KDM4C: variants seen among roughly 807,000 people sequenced by gnomAD.
The protein encoded by KDM4C is lysine-specific demethylase 4C.
KDM4C carries 81 observed loss-of-function variants against 129.3 expected under a neutral mutation model. The observed-to-expected ratio is 0.63, with a 90% CI of 0.52 to 0.75. The LOEUF (loss-of-function observed/expected upper bound fraction) is 0.75, where lower values mean the gene tolerates loss of function less well. Ranked by LOEUF, KDM4C falls within the 30% of genes least tolerant of loss-of-function variation. KDM4C has a pLI of 0.00. For synonymous variants in KDM4C, 573 were observed against 456.1 expected (o/e 1.26, Z -3.26); for missense variants, 1,457 against 1,304.0 (o/e 1.12, Z -1.81).
chr9:6,751,304 G>C (rs914662009), intron 1 of KDM4C, among the ~76,000 whole-genome samples: 6 of 152,114 alleles, frequency 3.9e-5, no homozygotes, highest in African/African-American at 1.4e-4. Flanking sequence ...AAATTAGCCA[G>C]GCATGGTGGT....
At chr9:7,046,836 C>A (rs202158360) in intron 15 of KDM4C, 26 bp from the exon 16 acceptor site, 1 of 1,547,898 alleles carries the variant, frequency 6.5e-7, no homozygotes, top group Non-Finnish European at 8.9e-7. Flanking sequence ...GTCTGGTCAT[C>A]ATGTGGTATT....
In KDM4C at chr9:6,986,676, A is replaced by C. The variant is rs1323381401; in HGVS notation, c.1677+10A>C. 1 of 1,575,372 alleles carries C rather than the reference A, an allele frequency of 6.3e-7. No homozygotes were observed. On this transcript the variant is annotated intron_variant, in intron 11 of 21. Coordinates refer to ENST00000381309, the MANE Select transcript of KDM4C (RefSeq NM_015061.6). ...CTTCAAAGTCCCCAGTGTATGTGGC[A>C]ATATCCATTTTTTACCATATTCATT...
chr9:6,950,674 C>T (rs997227668), intron 8 of KDM4C, among the ~76,000 whole-genome samples: 1 of 152,208 alleles, frequency 6.6e-6, no homozygotes, highest in African/African-American at 2.4e-5. Flanking sequence ...CCAATGTTCC[C>T]TCCTGATAAC....
At chr9:6,940,619 A>T (rs1330924151) in intron 8 of KDM4C, among the ~76,000 whole-genome samples, 1 of 142,638 alleles carries the variant, frequency 7.0e-6, no homozygotes, top group Non-Finnish European at 1.6e-5. Context: ...TCATAATTTT[A>T]TTGAAAGTGG....
At chr9:6,876,222 G>T (rs1313426804) in intron 5 of KDM4C, among the ~76,000 whole-genome samples, 1 of 152,174 alleles carries the variant, frequency 6.6e-6, no homozygotes, top group Non-Finnish European at 1.5e-5. Context: ...TCACCTCATT[G>T]CCTTGTAGCC....
At chr9:7,101,527 A>C (rs889127174) in intron 17 of KDM4C, among the ~76,000 whole-genome samples, 10 of 152,166 alleles carry the variant, frequency 6.6e-5, no homozygotes, top group Admixed American at 5.9e-4. Flanking sequence ...ATTGAGTTAT[A>C]ATAGTTTACT....
chr9:7,167,703 C>A (rs1039089732), intron 20 of KDM4C, among the ~76,000 whole-genome samples: 2 of 152,118 alleles, frequency 1.3e-5, no homozygotes, highest in Admixed American at 6.5e-5. Flanking sequence ...TTATTAAGAC[C>A]GTGGTGGATG....
intron 15 of KDM4C, among the ~76,000 whole-genome samples, chr9:7,030,638 TA>T: frequency 6.6e-6 from 1 of 152,332 alleles, no homozygotes; most frequent in East Asian, 1.9e-4. Context: ...TAAAGTCTAA[TA>T]AAAAAGTTAT....
At chr9:6,926,740 G>A (rs1335835460) in intron 8 of KDM4C, among the ~76,000 whole-genome samples, 2 of 152,142 alleles carry the variant, frequency 1.3e-5, no homozygotes, top group African/African-American at 4.8e-5. Flanking sequence ...ATTGGGGTGT[G>A]TTTAGTAGTT....
intron 17 of KDM4C, among the ~76,000 whole-genome samples, chr9:7,052,144 C>A (rs889690067): frequency 8.5e-5 from 13 of 152,126 alleles, no homozygotes; most frequent in African/African-American, 2.9e-4. Flanking sequence ...AAAAACAAAC[C>A]TGGATTTTTT....
chr9:6,993,287 C>T (rs1026882130), intron 12 of KDM4C, among the ~76,000 whole-genome samples: 2 of 152,096 alleles, frequency 1.3e-5, no homozygotes, highest in Non-Finnish European at 2.9e-5. Context: ...TAAATATATA[C>T]TACATGTTTA....
chr9:6,834,727 A>C (rs573914051), intron 4 of KDM4C: 81 of 946,562 alleles, frequency 8.6e-5, no homozygotes, highest in Non-Finnish European at 1.3e-4. Context: ...ACACCTTCTA[A>C]AGGGAGCTGC....
rs1292846596 is a variant in KDM4C, at chr9:6,726,080, CCA to C, written c.49+5087_49+5088del. Among the ~76,000 whole-genome samples, 13 of 152,238 alleles carry C rather than the reference CCA, an allele frequency of 8.5e-5. No individual in the cohort carries two copies. The East Asian group carries it at 2.5e-3, about 29-fold the overall frequency. On this transcript the variant is annotated intron_variant, in intron 1 of 17. Transcript: ENST00000536108. ...TAGCTGGGATTACAGGTGCACACCA[CCA>C]CACCTAGCTAATTTTTTTATATATT...
At chr9:7,088,647 A>G (rs1255066369) in intron 17 of KDM4C, among the ~76,000 whole-genome samples, 2 of 152,202 alleles carry the variant, frequency 1.3e-5, no homozygotes, top group Non-Finnish European at 1.5e-5. Context: ...TTTGCTACAT[A>G]TTACAGGAGG....
chr9:6,924,065 A>T (rs1822030050), intron 8 of KDM4C, among the ~76,000 whole-genome samples: 1 of 152,194 alleles, frequency 6.6e-6, no homozygotes, highest in Non-Finnish European at 1.5e-5. Context: ...TTTACTTCTT[A>T]TAAAGCTCAG....
intron 19 of KDM4C, among the ~76,000 whole-genome samples, chr9:7,151,525 A>G (rs907900539): frequency 2.0e-5 from 3 of 152,122 alleles, no homozygotes; most frequent in Admixed American, 1.3e-4. Flanking sequence ...TTAAAAAAAA[A>G]TTAGCCAAGC....
intron 1 of KDM4C, among the ~76,000 whole-genome samples, chr9:6,730,614 CAAA>C (rs36043237): frequency 9.1e-6 from 1 of 109,600 alleles, no homozygotes; most frequent in Admixed American, 9.5e-5. Flanking sequence ...GACTCTGTCT[CAAA>C]AAAAAAAAAA....
intron 17 of KDM4C, among the ~76,000 whole-genome samples, chr9:7,052,613 C>G (rs942666267): frequency 2.6e-4 from 40 of 152,078 alleles, no homozygotes; most frequent in African/African-American, 9.2e-4. Context: ...ATTGTAGAGC[C>G]CAGCAGTACT....
At chr9:6,987,073 A>G (rs571715126) in intron 11 of KDM4C, among the ~76,000 whole-genome samples, 1 of 152,314 alleles carries the variant, frequency 6.6e-6, no homozygotes, top group Admixed American at 6.5e-5. Flanking sequence ...GATACAGTAA[A>G]GATTACAGAA....
Sources: allele counts gnomAD v4.1 joint callset (sites outside exome capture counted in the v4.1 genomes callset), GRCh38; gene constraint gnomAD v4.1.1; transcripts MANE v1.5; gene names NCBI Gene and HGNC (gene_info 2026-07-23, HGNC 2026-07-21).